The following PALLD variants were observed in gnomAD, a reference collection of about 807,000 sequenced individuals.
PALLD encodes the protein palladin, cytoskeletal associated protein.
PALLD carries 61 observed loss-of-function variants against 123.5 expected under a neutral mutation model. The observed-to-expected ratio is 0.49, with a 90% CI of 0.40 to 0.61. PALLD has a LOEUF of 0.61. Among genes scored for constraint, PALLD ranks in the 20% least tolerant of loss-of-function variants. The pLI, the probability that PALLD is intolerant of heterozygous loss-of-function variation, is 0.00. For synonymous variants in PALLD, 465 were observed against 496.4 expected (o/e 0.94, Z 0.84); for missense variants, 1,273 against 1,377.0 (o/e 0.92, Z 1.20).
At chr4:168,733,507 T>C (rs1787380471) in intron 10 of PALLD, among the ~76,000 whole-genome samples, 2 of 151,724 alleles carry the variant, frequency 1.3e-5, no homozygotes, top group African/African-American at 4.8e-5. Flanking sequence ...AACTTGATCA[T>C]AATTGTAAAA....
chr4:168,922,073 A>G (rs1331826306), intron 18 of PALLD, among the ~76,000 whole-genome samples: 4 of 148,414 alleles, frequency 2.7e-5, no homozygotes, highest in African/African-American at 1.0e-4. Context: ...GCTTATATAT[A>G]AAGTTTTATA....
chr4:168,543,409 G>A (rs150340279), intron 2 of PALLD, among the ~76,000 whole-genome samples: 1 of 151,114 alleles, frequency 6.6e-6, no homozygotes, highest in Non-Finnish European at 1.5e-5. Flanking sequence ...TACTAGGCAA[G>A]ATGTGGTACT....
At chr4:168,567,284 G>A (rs997404846) in intron 2 of PALLD, among the ~76,000 whole-genome samples, 4 of 151,888 alleles carry the variant, frequency 2.6e-5, no homozygotes, top group South Asian at 2.1e-4. Context: ...TCTGACAAAC[G>A]ACTAATAATT....
intron 10 of PALLD, among the ~76,000 whole-genome samples, chr4:168,890,376 A>C (rs764300694): frequency 1.3e-5 from 2 of 152,208 alleles, no homozygotes; most frequent in Non-Finnish European, 2.9e-5. Context: ...TCAAATCAGG[A>C]TATAAGGGGA....
At position 168,597,438 on chromosome 4, in the gene PALLD, T is replaced by C. The variant is rs149521775; in HGVS notation, c.909-70752T>C. On this transcript the variant is annotated intron_variant, in intron 2 of 21. Transcript: ENST00000505667. ...TAGAATGAGAATGATTCTAATAAATTATAAATTTTTAAAACATGACATATA... is the reference window on the plus strand; with the variant it reads ...TAGAATGAGAATGATTCTAATAAATCATAAATTTTTAAAACATGACATATA... 2.7e-3 allele frequency among the ~76,000 whole-genome samples: 406 copies of C among 152,148 alleles called. 8 individuals are homozygous for C. Among genetic ancestry groups the C allele is most frequent in the Admixed American group, 0.019 (292 of 15,266 alleles).
chr4:168,688,925 G>A lies in PALLD; in HGVS notation c.1336-1678G>A, dbSNP rs181924108. Among the ~76,000 whole-genome samples, 9 of 152,302 alleles carry A rather than the reference G, an allele frequency of 5.9e-5. No homozygotes were observed. In the East Asian group the frequency reaches 1.2e-3, roughly 20 times the overall value. On this transcript the variant is annotated intron_variant, in intron 6 of 21. Coordinates refer to ENST00000505667, the MANE Select transcript of PALLD (RefSeq NM_001166108.2). ...CTAGAGACATTTAATAGGTTAATCC[G>A]TAGAAGCTGGACCCCATAAGTGACA...
intron 2 of PALLD, among the ~76,000 whole-genome samples, chr4:168,551,049 T>G (rs1223659357): frequency 6.6e-6 from 1 of 152,216 alleles, no homozygotes; most frequent in East Asian, 1.9e-4. Flanking sequence ...TGCACTGTAG[T>G]GTATACCCTT....
At chr4:168,674,930 C>A (rs1051477645) in intron 3 of PALLD, among the ~76,000 whole-genome samples, 3 of 151,982 alleles carry the variant, frequency 2.0e-5, no homozygotes, top group Admixed American at 6.6e-5. Flanking sequence ...ATAGATCATG[C>A]AGGAGGGAGG....
intron 2 of PALLD, among the ~76,000 whole-genome samples, chr4:168,592,829 A>C (rs535187406): frequency 6.6e-6 from 1 of 152,244 alleles, no homozygotes; most frequent in South Asian, 2.1e-4. Flanking sequence ...CTGCTATTAT[A>C]CTGTGTGGGG....
intron 8 of PALLD, among the ~76,000 whole-genome samples, chr4:168,701,739 T>C (rs983927617): frequency 1.3e-5 from 2 of 152,120 alleles, no homozygotes; most frequent in African/African-American, 4.8e-5. Flanking sequence ...CAGGTGTAGA[T>C]GATTCAAGGT....
chr4:168,813,831 A>ATC (rs1205138593), intron 10 of PALLD, among the ~76,000 whole-genome samples: 2 of 149,530 alleles, frequency 1.3e-5, no homozygotes, highest in Non-Finnish European at 3.0e-5. Flanking sequence ...CTCAAAAAAC[A>ATC]AATCATTCAT....
intron 10 of PALLD, among the ~76,000 whole-genome samples, chr4:168,745,518 C>T (rs1227162102): frequency 2.0e-5 from 3 of 151,264 alleles, no homozygotes; most frequent in Non-Finnish European, 2.9e-5. Context: ...GGATGTAACA[C>T]TTTAAAAGAG....
intron 10 of PALLD, among the ~76,000 whole-genome samples, chr4:168,811,621 C>T (rs1030273903): frequency 3.3e-5 from 5 of 151,964 alleles, no homozygotes; most frequent in African/African-American, 9.7e-5. Flanking sequence ...CTGTAGTCCC[C>T]GCTACTCAAG....
At chr4:168,624,847 C>T (rs1775086242) in intron 2 of PALLD, among the ~76,000 whole-genome samples, 1 of 152,072 alleles carries the variant, frequency 6.6e-6, no homozygotes, top group African/African-American at 2.4e-5. Context: ...TATGAATAAA[C>T]TTAATACATG....
At chr4:168,617,412 A>G (rs1774332993) in intron 2 of PALLD, among the ~76,000 whole-genome samples, 1 of 152,190 alleles carries the variant, frequency 6.6e-6, no homozygotes, top group African/African-American at 2.4e-5. Context: ...ATAAGCAAGC[A>G]GTCCATTGTG....
At chr4:168,799,028 G>T (rs1273323091) in intron 10 of PALLD, among the ~76,000 whole-genome samples, 1 of 152,190 alleles carries the variant, frequency 6.6e-6, no homozygotes, top group Non-Finnish European at 1.5e-5. Context: ...GTGCCTTGTG[G>T]TCAGAACAAA....
At chr4:168,816,535 T>A (rs1489549733) in intron 10 of PALLD, among the ~76,000 whole-genome samples, 1 of 151,854 alleles carries the variant, frequency 6.6e-6, no homozygotes, top group Non-Finnish European at 1.5e-5. Flanking sequence ...CACTGAGGAA[T>A]AAAGTAACCA....
At chr4:168,703,419 T>C (rs1783894647) in intron 8 of PALLD, among the ~76,000 whole-genome samples, 1 of 120,770 alleles carries the variant, frequency 8.3e-6, no homozygotes, top group Non-Finnish European at 1.6e-5. Flanking sequence ...TTTGGGTATA[T>C]ACCCAGTAAT....
At chr4:168,568,736 G>A (rs1580354993) in intron 2 of PALLD, among the ~76,000 whole-genome samples, 1 of 151,168 alleles carries the variant, frequency 6.6e-6, no homozygotes, top group Non-Finnish European at 1.5e-5. Context: ...ATATATGTGT[G>A]TATGTAGGTA....
Sources: gnomAD v4.1 joint callset for allele counts (sites outside exome capture counted in the v4.1 genomes callset) on GRCh38, gnomAD v4.1.1 for gene constraint, MANE v1.5 for transcripts, NCBI Gene and HGNC (gene_info 2026-07-23, HGNC 2026-07-21) for gene names.